Variants in SUMF1 observed in about 807,000 individuals in gnomAD.
SUMF1 encodes formylglycine-generating enzyme.
Under a neutral mutation model 47.6 loss-of-function variants are expected in SUMF1, and 48 were observed. The observed-to-expected ratio is 1.01, with a 90% CI of 0.80 to 1.28. The LOEUF (loss-of-function observed/expected upper bound fraction) is 1.28, where lower values mean the gene tolerates loss of function less well. Among genes scored for constraint, SUMF1 ranks in the 50% most tolerant of loss-of-function variants. The pLI, the probability that SUMF1 is intolerant of heterozygous loss-of-function variation, is 0.00. For missense variants in SUMF1, 571 were observed against 485.4 expected (o/e 1.18, Z -1.66); for synonymous variants, 230 against 192.1 (o/e 1.20, Z -1.63).
intron 8 of SUMF1, among the ~76,000 whole-genome samples, chr3:4,318,905 C>CA (rs974535349): frequency 6.6e-6 from 1 of 150,414 alleles, no homozygotes; most frequent in African/African-American, 2.4e-5. Context: ...GACTGCCTCT[C>CA]AAAAAAACAC....
rs1699743946 is a variant in SUMF1 at position 4,361,202 on chromosome 3, T to G, written c.*942A>C. 6.6e-6 allele frequency: 1 copy of G among 152,504 alleles called. No individual in the cohort carries two copies. The highest frequency in any genetic ancestry group is 1.5e-5 in the Non-Finnish European group (1 of 68,038). 9.4% of individuals were successfully genotyped at this position (152,504 alleles called of 1,614,324 possible). A position where few individuals can be genotyped will look rare whatever the true frequency, so the allele number is the denominator to read the frequency against. ...GTGCATGATTCAAAGCATCGGATAT[T>G]CCACAGCCAACAAGGTTTCCTATTC... On this transcript the variant is annotated 3_prime_UTR_variant, in exon 9 of 9. Coordinates refer to ENST00000272902, the MANE Select transcript of SUMF1 (RefSeq NM_182760.4).
intron 8 of SUMF1, among the ~76,000 whole-genome samples, chr3:4,208,500 A>ACAAGCAT (rs1395631931): frequency 1.3e-5 from 2 of 152,040 alleles, no homozygotes; most frequent in African/African-American, 4.8e-5. Context: ...AGGAGACAAA[A>ACAAGCAT]CAAGCATCAT....
At chr3:4,201,903 T>C (rs535074468) in intron 8 of SUMF1, among the ~76,000 whole-genome samples, 7 of 152,194 alleles carry the variant, frequency 4.6e-5, no homozygotes, top group African/African-American at 1.7e-4. Flanking sequence ...CTGTTTGCCA[T>C]TTGAGCAATG....
At chr3:4,317,256 G>A (rs1008689221) in intron 8 of SUMF1, 37 of 1,505,902 alleles carry the variant, frequency 2.5e-5, no homozygotes, top group Admixed American at 1.2e-4. Context: ...ATAAAAATGC[G>A]TTGAGCCTAG....
At chr3:4,137,388 C>G (rs1036907142) in intron 8 of SUMF1, among the ~76,000 whole-genome samples, 3 of 151,496 alleles carry the variant, frequency 2.0e-5, no homozygotes, top group Non-Finnish European at 2.9e-5. Context: ...AACCAAACAC[C>G]GCATGTTCTC....
intron 1 of SUMF1, among the ~76,000 whole-genome samples, chr3:4,465,286 C>G (rs569001143): frequency 6.6e-6 from 1 of 152,092 alleles, no homozygotes; most frequent in East Asian, 1.9e-4. Flanking sequence ...ACCATCCGGG[C>G]CAACATGGTG....
At chr3:4,061,860 T>C (rs1481426795) in intron 9 of SUMF1, among the ~76,000 whole-genome samples, 1 of 152,106 alleles carries the variant, frequency 6.6e-6, no homozygotes, top group African/African-American at 2.4e-5. Flanking sequence ...GAGAAACCTT[T>C]AGGCCAAACT....
Position 4,303,382 on chromosome 3 carries a change from A to AGCGGCAAAGACGAC in SUMF1, c.1014+72934_1014+72947dup, listed in dbSNP as rs762340261. The stretch of plus-strand genomic sequence containing the variant: ...CGTGAGGCGGGTAAATGTTCGCGGA[A>AGCGGCAAAGACGAC]GCGGCAAAGACGACACGGCCTTGTG... On this transcript the variant is annotated intron_variant and NMD_transcript_variant, in intron 8 of 12. Coordinates refer to the SUMF1 transcript ENST00000448413. 1.3e-4 allele frequency: 203 copies of AGCGGCAAAGACGAC among 1,552,540 alleles called. No homozygotes were observed. In the South Asian group the frequency reaches 2.3e-3, roughly 18 times the overall value.
intron 8 of SUMF1, among the ~76,000 whole-genome samples, chr3:4,325,105 G>A (rs1426222556): frequency 6.6e-6 from 1 of 152,060 alleles, no homozygotes; most frequent in Non-Finnish European, 1.5e-5. Flanking sequence ...AAAAGACCCA[G>A]CCCCATAATT....
At chr3:4,111,739 A>G (rs1420553048) in intron 8 of SUMF1, among the ~76,000 whole-genome samples, 1 of 152,104 alleles carries the variant, frequency 6.6e-6, no homozygotes, top group Admixed American at 6.5e-5. Flanking sequence ...CACCGTCTAA[A>G]AAAAACCCAA....
intron 8 of SUMF1, among the ~76,000 whole-genome samples, chr3:4,121,804 T>C (rs1177039613): frequency 6.6e-6 from 1 of 152,126 alleles, no homozygotes; most frequent in Non-Finnish European, 1.5e-5. Context: ...GTACAGATTA[T>C]TTCATCACCC....
At chr3:4,133,455 G>A (rs1001331942) in intron 8 of SUMF1, among the ~76,000 whole-genome samples, 1 of 152,072 alleles carries the variant, frequency 6.6e-6, no homozygotes, top group Non-Finnish European at 1.5e-5. Flanking sequence ...CTGGATTGAA[G>A]GATACAAAGT....
chr3:4,116,876 G>A (rs555099131), intron 8 of SUMF1, among the ~76,000 whole-genome samples: 5 of 152,146 alleles, frequency 3.3e-5, no homozygotes, highest in Non-Finnish European at 7.3e-5. Flanking sequence ...CCACTTGGAA[G>A]ATAAATAAGG....
chr3:4,388,664 G>T (rs1480154716), intron 7 of SUMF1, among the ~76,000 whole-genome samples: 1 of 151,552 alleles, frequency 6.6e-6, no homozygotes, highest in Non-Finnish European at 1.5e-5. Flanking sequence ...CTTCCTGTGG[G>T]TTACCCAAAC....
chr3:4,270,271 T>A (rs146791923), intron 8 of SUMF1, among the ~76,000 whole-genome samples: 42 of 152,216 alleles, frequency 2.8e-4, no homozygotes, highest in Middle Eastern at 6.8e-3. Flanking sequence ...ATACTGACTA[T>A]AGGTGATAAA....
rs149806850 is a variant in SUMF1 at position 4,209,980 on chromosome 3, C to T, written c.1015-141235G>A. The stretch of plus-strand genomic sequence containing the variant: ...CACGATCTCAGCTCACTGTAACCTC[C>T]ACCTCCTGGGTTCAAGCAATTCTCC... On this transcript the variant is annotated intron_variant and NMD_transcript_variant, in intron 8 of 12. Transcript: ENST00000448413. Among the ~76,000 whole-genome samples the T allele has an allele frequency of 2.0e-3, 309 of 152,214 alleles. 1 individual carries two copies. Among genetic ancestry groups the T allele is most frequent in the East Asian group, 0.02 (103 of 5,176 alleles).
intron 8 of SUMF1, among the ~76,000 whole-genome samples, chr3:4,080,732 T>C (rs1692542097): frequency 1.3e-5 from 2 of 152,188 alleles, no homozygotes; most frequent in Admixed American, 6.5e-5. Context: ...TTGTACTAGA[T>C]AATTTTGTAT....
intron 8 of SUMF1, among the ~76,000 whole-genome samples, chr3:4,315,391 A>G (rs1284538700): frequency 6.6e-6 from 1 of 152,180 alleles, no homozygotes; most frequent in African/African-American, 2.4e-5. Flanking sequence ...TTCTATATTG[A>G]ACAGCAGAGA....
chr3:4,446,053 C>G (rs1374148206), intron 3 of SUMF1, among the ~76,000 whole-genome samples: 2 of 152,172 alleles, frequency 1.3e-5, no homozygotes, highest in African/African-American at 2.4e-5. Flanking sequence ...CCTATCTGTC[C>G]TGTATGACCT....
Sources: gnomAD v4.1 joint callset for allele counts (sites outside exome capture counted in the v4.1 genomes callset) on GRCh38, gnomAD v4.1.1 for gene constraint, MANE v1.5 for transcripts, NCBI Gene and HGNC (gene_info 2026-07-23, HGNC 2026-07-21) for gene names.